THSD7B: variants seen among roughly 807,000 people sequenced by gnomAD.
The protein encoded by THSD7B is thrombospondin type-1 domain-containing protein 7B.
In THSD7B, 138 loss-of-function variants were observed where a neutral mutation model predicts 213.6. That is an observed-to-expected ratio of 0.65 (90% CI 0.56 to 0.74). The LOEUF (loss-of-function observed/expected upper bound fraction) is 0.74, where lower values mean the gene tolerates loss of function less well. THSD7B is among the 30% of genes least tolerant of loss of function. The probability of loss-of-function intolerance (pLI) is 0.00; values close to 1 mark genes in which losing one functional copy is unlikely to be tolerated. For synonymous variants in THSD7B, 742 were observed against 687.0 expected, an observed-to-expected ratio of 1.08 and a Z score of -1.25; for missense variants, 1,931 against 1,991.5, an observed-to-expected ratio of 0.97 and a Z score of 0.58.
chr2:136,786,544 T>C (rs1470706592), intron 1 of THSD7B, among the ~76,000 whole-genome samples: 1 of 152,192 alleles, frequency 6.6e-6, no homozygotes, highest in African/African-American at 2.4e-5. Flanking sequence ...TGTTGCTTGC[T>C]TGGCTTGTTT....
At chr2:137,125,883 C>T (rs1688621864) in intron 5 of THSD7B, among the ~76,000 whole-genome samples, 1 of 152,122 alleles carries the variant, frequency 6.6e-6, no homozygotes. Flanking sequence ...ACATTAATCT[C>T]CTTGTACATC....
At chr2:136,882,026 A>G (rs1398092415) in intron 1 of THSD7B, 118 bp from the exon 2 acceptor site, 4 of 659,228 alleles carry the variant, frequency 6.1e-6, no homozygotes, top group African/African-American at 5.7e-5. Flanking sequence ...TATATGTACT[A>G]TCTTCATGCT....
At chr2:137,610,617 A>G (rs1682270777) in intron 17 of THSD7B, among the ~76,000 whole-genome samples, 1 of 152,190 alleles carries the variant, frequency 6.6e-6, no homozygotes, top group African/African-American at 2.4e-5. Flanking sequence ...GAGTTGACTC[A>G]GACACTAGCT....
rs771044684 is a variant in THSD7B at position 136,926,276 on chromosome 2, C to CT, written c.139+43968dup. 1.5e-3 allele frequency among the ~76,000 whole-genome samples: 227 copies of CT among 151,434 alleles called. 1 individual carries two copies. Among genetic ancestry groups the CT allele is most frequent in the African/African-American group, 2.8e-3 (115 of 41,276 alleles). On this transcript the variant is annotated intron_variant, in intron 2 of 27. Transcript: ENST00000409968. ...TTCTTGATTAACTGAAGTAGTTCTA[C>CT]TTTTTTTTTATATTGGCTCTGACTC...
At chr2:137,465,046 G>A (rs1211616988) in intron 15 of THSD7B, among the ~76,000 whole-genome samples, 1 of 151,814 alleles carries the variant, frequency 6.6e-6, no homozygotes, top group Non-Finnish European at 1.5e-5. Context: ...TCCAATTTAG[G>A]AGAGAGAAAT....
intron 17 of THSD7B, among the ~76,000 whole-genome samples, chr2:137,583,041 G>A (rs1042773646): frequency 6.6e-6 from 1 of 152,208 alleles, no homozygotes; most frequent in Admixed American, 6.5e-5. Context: ...TCTAACTGGT[G>A]TGAGATGATA....
intron 16 of THSD7B, among the ~76,000 whole-genome samples, chr2:137,564,138 G>A (rs771128453): frequency 4.6e-5 from 7 of 152,186 alleles, no homozygotes; most frequent in Non-Finnish European, 8.8e-5. Flanking sequence ...CATGCATAGT[G>A]TATTATTTTG....
chr2:136,930,173 A>G (rs1287978731), intron 2 of THSD7B, among the ~76,000 whole-genome samples: 1 of 152,204 alleles, frequency 6.6e-6, no homozygotes, highest in East Asian at 1.9e-4. Context: ...TACTATATAA[A>G]TGATTCCACA....
chr2:137,287,121 G>A (rs1683200041), intron 12 of THSD7B, among the ~76,000 whole-genome samples: 1 of 152,058 alleles, frequency 6.6e-6, no homozygotes. Flanking sequence ...ATTCTGCCAT[G>A]AACACCAGAG....
intron 2 of THSD7B, among the ~76,000 whole-genome samples, chr2:136,947,114 T>G (rs928730871): frequency 1.3e-5 from 2 of 152,102 alleles, no homozygotes; most frequent in African/African-American, 4.8e-5. Flanking sequence ...TCGGCCATCT[T>G]GGAACAGTGA....
At chr2:136,889,024 AT>A (rs1573690713) in intron 2 of THSD7B, among the ~76,000 whole-genome samples, 1 of 152,070 alleles carries the variant, frequency 6.6e-6, no homozygotes, top group East Asian at 1.9e-4. Flanking sequence ...AAGAGAAAAT[AT>A]GACCCATCTT....
At chr2:137,651,530 G>C (rs1004202803) in intron 21 of THSD7B, among the ~76,000 whole-genome samples, 2 of 151,574 alleles carry the variant, frequency 1.3e-5, no homozygotes, top group Non-Finnish European at 2.9e-5. Flanking sequence ...TTGATCATTT[G>C]ATCTTCTGTA....
intron 1 of THSD7B, among the ~76,000 whole-genome samples, chr2:136,828,499 C>T (rs777768857): frequency 1.2e-4 from 18 of 152,134 alleles, no homozygotes; most frequent in Non-Finnish European, 2.2e-4. Context: ...ATTCTCTTCC[C>T]CACACAGTTA....
Position 136,855,278 on chromosome 2 carries a change from A to C in THSD7B, c.-35-26866A>C, listed in dbSNP as rs559320650. Among the ~76,000 whole-genome samples the C allele has an allele frequency of 3.9e-5, 6 of 152,282 alleles. No individual in the cohort carries two copies. In the South Asian group the frequency reaches 1.2e-3, roughly 32 times the overall value. On this transcript the variant is annotated intron_variant, in intron 1 of 27. Transcript: ENST00000409968. The stretch of plus-strand genomic sequence containing the variant: ...ATATATGGATTTTCCAGTATACATC[A>C]GATCATATCACCTTTCTACCCTATT...
intron 2 of THSD7B, among the ~76,000 whole-genome samples, chr2:136,990,022 C>T (rs561653070): frequency 1.7e-4 from 26 of 152,206 alleles, no homozygotes; most frequent in African/African-American, 5.8e-4. Flanking sequence ...AAAAATAGTC[C>T]TCATTGAATT....
intron 14 of THSD7B, among the ~76,000 whole-genome samples, chr2:137,412,268 G>GAA (rs70978217): frequency 5.3e-4 from 79 of 148,186 alleles, no homozygotes; most frequent in Admixed American, 3.1e-3. Context: ...ATGTAGTTGA[G>GAA]AAAAAAAAAA....
At chr2:136,776,559 A>G (rs1005801142) in intron 1 of THSD7B, among the ~76,000 whole-genome samples, 2 of 152,168 alleles carry the variant, frequency 1.3e-5, no homozygotes, top group African/African-American at 4.8e-5. Flanking sequence ...AAGATAAACA[A>G]TTTTGTCCTG....
At chr2:136,888,922 A>G (rs1162460740) in intron 2 of THSD7B, among the ~76,000 whole-genome samples, 1 of 147,604 alleles carries the variant, frequency 6.8e-6, no homozygotes, top group Non-Finnish European at 1.5e-5. Flanking sequence ...CATTAAATAA[A>G]ATAAGGGACA....
chr2:137,593,351 C>G (rs1681900987), intron 17 of THSD7B, among the ~76,000 whole-genome samples: 1 of 151,866 alleles, frequency 6.6e-6, no homozygotes, highest in Non-Finnish European at 1.5e-5. Flanking sequence ...AAGCAGTTTT[C>G]AAAGTTATAG....
Sources: gnomAD v4.1 joint callset for allele counts (sites outside exome capture counted in the v4.1 genomes callset) on GRCh38, gnomAD v4.1.1 for gene constraint, MANE v1.5 for transcripts, NCBI Gene and HGNC (gene_info 2026-07-23, HGNC 2026-07-21) for gene names.